ERBB4: variants seen among roughly 807,000 people sequenced by gnomAD.
ERBB4 encodes the protein receptor tyrosine-protein kinase erbB-4.
In ERBB4, 42 loss-of-function variants were observed where a neutral mutation model predicts 158.0. The observed-to-expected ratio is 0.27, with a 90% CI of 0.21 to 0.34. The LOEUF is 0.34. ERBB4 is among the 10% of genes least tolerant of loss of function. ERBB4 has a pLI of 1.00. For synonymous variants in ERBB4, 583 were observed against 558.7 expected, an observed-to-expected ratio of 1.04 and a Z score of -0.61; for missense variants, 1,333 against 1,624.1, an observed-to-expected ratio of 0.82 and a Z score of 3.08.
At chr2:212,452,546 A>G (rs1186117273) in intron 1 of ERBB4, among the ~76,000 whole-genome samples, 1 of 152,180 alleles carries the variant, frequency 6.6e-6, no homozygotes, top group Non-Finnish European at 1.5e-5. Context: ...GTGGGATGAC[A>G]TGAGTAGGAA....
chr2:211,981,056 T>C (rs1171991625), intron 2 of ERBB4, among the ~76,000 whole-genome samples: 1 of 135,574 alleles, frequency 7.4e-6, no homozygotes. Flanking sequence ...CTTCCTATCT[T>C]GTGAATGTTC....
In ERBB4 at chr2:212,321,770, T is replaced by C. The variant is rs958341680; in HGVS notation, c.83-196867A>G. On this transcript the variant is annotated intron_variant, in intron 1 of 27. Transcript: ENST00000342788. ...TAGCTAGACTTAAATTTGAGAATCT[T>C]TGAAGTACAATTAGGCATTAAAAAC... Among the ~76,000 whole-genome samples the C allele has an allele frequency of 5.3e-5, 8 of 150,422 alleles. 1 individual carries two copies. Among genetic ancestry groups the C allele is most frequent in the Non-Finnish European group, 1.2e-4 (8 of 67,060 alleles).
chr2:212,397,705 T>A (rs1385117642), intron 1 of ERBB4, among the ~76,000 whole-genome samples: 1 of 152,190 alleles, frequency 6.6e-6, no homozygotes, highest in East Asian at 1.9e-4. Context: ...TATATTTGAC[T>A]AAATATGAAC....
At chr2:212,036,580 T>C (rs1464695990) in intron 2 of ERBB4, among the ~76,000 whole-genome samples, 2 of 151,848 alleles carry the variant, frequency 1.3e-5, no homozygotes, top group Non-Finnish European at 2.9e-5. Context: ...TTCTCCTGCC[T>C]CAGCCTCCTG....
intron 5 of ERBB4, among the ~76,000 whole-genome samples, chr2:211,747,272 T>C (rs993690016): frequency 6.6e-6 from 1 of 152,148 alleles, no homozygotes; most frequent in Non-Finnish European, 1.5e-5. Flanking sequence ...TGGGTAGGGG[T>C]GGAAGAGGCT....
chr2:211,707,909 A>T (rs2073510310), intron 9 of ERBB4, among the ~76,000 whole-genome samples: 1 of 152,132 alleles, frequency 6.6e-6, no homozygotes, highest in Non-Finnish European at 1.5e-5. Flanking sequence ...TTAAATTATT[A>T]TTTTTGCATT....
At chr2:212,190,340 T>C (rs564718027) in intron 1 of ERBB4, among the ~76,000 whole-genome samples, 2 of 152,192 alleles carry the variant, frequency 1.3e-5, no homozygotes, top group South Asian at 4.1e-4. Flanking sequence ...ATCCAGACCA[T>C]CCTGGCTAAC....
chr2:212,174,895 T>A (rs1396130918), intron 1 of ERBB4, among the ~76,000 whole-genome samples: 3 of 152,078 alleles, frequency 2.0e-5, no homozygotes, highest in Non-Finnish European at 1.5e-5. Flanking sequence ...TATAATTCGA[T>A]CTAAGTCTAC....
intron 26 of ERBB4, 95 bp downstream of exon 26, chr2:211,387,850 G>A: frequency 2.0e-6 from 2 of 982,592 alleles, no homozygotes; most frequent in Admixed American, 1.7e-5. Flanking sequence ...TGTTGGCAAA[G>A]GCAAAATGAG....
chr2:211,511,672 A>G (rs1281506881), intron 20 of ERBB4, among the ~76,000 whole-genome samples: 1 of 152,090 alleles, frequency 6.6e-6, no homozygotes, highest in Non-Finnish European at 1.5e-5. Context: ...TTCAGAATCC[A>G]TTGTTTAATT....
At chr2:211,726,490 A>G (rs2074274348) in intron 5 of ERBB4, among the ~76,000 whole-genome samples, 1 of 152,180 alleles carries the variant, frequency 6.6e-6, no homozygotes, top group Non-Finnish European at 1.5e-5. Flanking sequence ...ATCTCAATTA[A>G]TGGAAGCACC....
chr2:212,402,449 A>AC (rs1459749343), intron 1 of ERBB4, among the ~76,000 whole-genome samples: 3 of 152,068 alleles, frequency 2.0e-5, no homozygotes, highest in Non-Finnish European at 2.9e-5. Flanking sequence ...ACAAGAGCCT[A>AC]CCCAGGTGAT....
chr2:212,242,087 C>A (rs1559826900), intron 1 of ERBB4, among the ~76,000 whole-genome samples: 1 of 151,786 alleles, frequency 6.6e-6, no homozygotes, highest in Non-Finnish European at 1.5e-5. Context: ...TTTTACATTT[C>A]CAAGTTAAAC....
At chr2:212,334,132 C>G (rs762487376) in intron 1 of ERBB4, among the ~76,000 whole-genome samples, 1 of 152,002 alleles carries the variant, frequency 6.6e-6, no homozygotes, top group Non-Finnish European at 1.5e-5. Flanking sequence ...TTTTGAGGTT[C>G]TCTAAGTGAA....
intron 6 of ERBB4, among the ~76,000 whole-genome samples, chr2:211,722,757 T>G (rs1463396132): frequency 1.3e-5 from 2 of 152,238 alleles, no homozygotes; most frequent in African/African-American, 4.8e-5. Context: ...GTGCTTAGCC[T>G]GTATCCAGTA....
chr2:212,056,450 A>G (rs2077572306), intron 2 of ERBB4, among the ~76,000 whole-genome samples: 1 of 152,172 alleles, frequency 6.6e-6, no homozygotes, highest in Admixed American at 6.5e-5. Flanking sequence ...ACTCCTCGAG[A>G]AGAGCAGCTC....
At chr2:212,522,839 C>T (rs7561571) in intron 1 of ERBB4, among the ~76,000 whole-genome samples, 24,109 of 151,910 alleles carry the variant, frequency 0.16, 1,944 homozygotes, top group African/African-American at 0.19. Context: ...TTAATACCAT[C>T]TACCACGCAG....
intron 22 of ERBB4, among the ~76,000 whole-genome samples, chr2:211,424,847 T>G (rs2063590936): frequency 6.6e-6 from 1 of 152,106 alleles, no homozygotes; most frequent in African/African-American, 2.4e-5. Context: ...TTAGCACATA[T>G]GAGAGCCTGA....
At position 211,497,947 on chromosome 2, in the gene ERBB4, A is replaced by C. The variant is rs143079327; in HGVS notation, c.2487+63956T>G. Among the ~76,000 whole-genome samples, 889 of 152,234 alleles carry C rather than the reference A, an allele frequency of 5.8e-3. 14 individuals are homozygous for C. The highest frequency in any genetic ancestry group is 0.02 in the African/African-American group (841 of 41,562). ...TCTACGTTCAAGTTGTTCAGCGGCA[A>C]GATGAAAGATGTATGATGAAAGAAA... On this transcript the variant is annotated intron_variant, in intron 20 of 27. Coordinates refer to ENST00000342788, the MANE Select transcript of ERBB4 (RefSeq NM_005235.3).
Sources: gnomAD v4.1 joint callset for allele counts (sites outside exome capture counted in the v4.1 genomes callset) on GRCh38, gnomAD v4.1.1 for gene constraint, MANE v1.5 for transcripts, NCBI Gene and HGNC (gene_info 2026-07-23, HGNC 2026-07-21) for gene names.